CFP: variants seen among roughly 807,000 people sequenced by gnomAD.
CFP encodes the protein properdin.
CFP carries 14 observed loss-of-function variants against 42.1 expected under a neutral mutation model. That is an observed-to-expected ratio of 0.33 (90% confidence interval 0.22 to 0.52). CFP has a LOEUF of 0.52. CFP is among the 20% of genes least tolerant of loss of function. CFP has a pLI of 0.96. For synonymous variants in CFP, 149 were observed against 160.6 expected, an observed-to-expected ratio of 0.93 and a Z score of 0.54; for missense variants, 318 against 400.4, an observed-to-expected ratio of 0.79 and a Z score of 1.76.
Position 47,626,494 on chromosome X carries a change from C to T in CFP, c.966G>A (p.Gly322=). Residue 322 remains glycine (G), a synonymous_variant, in exon 7 of 9, where the codon GGG becomes GGA. Transcript: ENST00000396992. ...CPVDGEWDSW[G]EWSPCIRRNM... The stretch of plus-strand genomic sequence containing the variant: ...TCCGTCGGATACAGGGGCTCCACTC[C>T]CCCCACGAGTCCCACTCCCCATCCA... The T allele has an allele frequency of 8.3e-7, 1 of 1,211,719 alleles. No individual in the cohort carries two copies. The highest frequency in any genetic ancestry group is 1.1e-6 in the Non-Finnish European group (1 of 895,409).
chrX:47,629,980 C>A, upstream of CFP: 1 of 597,051 alleles, frequency 1.7e-6, no homozygotes, highest in South Asian at 2.6e-5. Context: ...TGACCCCACC[C>A]TGTCCCCTCT....
chrX:47,627,581 C>A lies in CFP; in HGVS notation c.464G>T (p.Gly155Val). The change falls in exon 4 of 9, where the codon GGG becomes GTG. Residue 155 changes from glycine (G) to valine (V), a missense_variant. Gly to Val is a moderately radical substitution (Grantham distance 109, BLOSUM62 -3). Transcript: ENST00000396992. ...ACAGGCTCGCCTGCGGGTCCGGGTC[C>A]CTTTGGAGCAGGTGACAGAGCAAGG... ...WEPCSVTCSK[G>V]TRTRRRACNH... 8 of 1,205,232 alleles carry A rather than the reference C, an allele frequency of 6.6e-6. No individual in the cohort carries two copies. Among genetic ancestry groups the A allele is most frequent in the Non-Finnish European group, 9.0e-6 (8 of 892,297 alleles).
In CFP at chrX:47,629,521, A is replaced by G; in HGVS notation, c.227+3T>C. On this transcript the variant is annotated splice_donor_region_variant and intron_variant, in intron 2 of 8. Transcript: ENST00000396992. ...CCATCCCCCACCCCAGGCTCCCCCT[A>G]ACCTGCAAGGCTGACAGAGCCCACC... The G allele has an allele frequency of 1.0e-6, 1 of 981,741 alleles. No individual in the cohort carries two copies. Among genetic ancestry groups the G allele is most frequent in the South Asian group, 2.1e-5 (1 of 47,694 alleles). 80.9% of individuals were successfully genotyped at this position (981,741 alleles called of 1,213,427 possible).
At position 47,624,376 on chromosome X, in the gene CFP, G is replaced by T. The variant is rs2147935585; in HGVS notation, c.1309C>A (p.Pro437Thr). The T allele has an allele frequency of 8.3e-7, 1 of 1,209,995 alleles. No individual in the cohort carries two copies. Residue 437 changes from proline to threonine, a missense_variant, in exon 9 of 9, where the codon CCA becomes ACA. Coordinates refer to ENST00000396992, the MANE Select transcript of CFP (RefSeq NM_001145252.3). ...KNVTFWGRPL[P>T]RCEELQGQKL... ...TGCCCTTGTAGCTCCTCACACCGTGGCAGCGGTCTCCCCCAGAAGGTCACG... is the reference window on the plus strand; with the variant it reads ...TGCCCTTGTAGCTCCTCACACCGTGTCAGCGGTCTCCCCCAGAAGGTCACG...
chrX:47,626,023 A>AC, intron 8 of CFP, 35 bp downstream of exon 8: 1 of 1,082,866 alleles, frequency 9.2e-7, no homozygotes, highest in Non-Finnish European at 1.3e-6. Flanking sequence ...TAATATAATG[A>AC]CCCCCTCCCA....
Position 47,627,125 on chromosome X carries a change from C to G in CFP, c.766+16G>C, listed in dbSNP as rs761068523. Reference sequence around the variant, plus strand: ...AGAGCCCCACCAGCAACATCAGCAGCCTCATCCTGGTGTACCTGGGCAGGG... The same window carrying G: ...AGAGCCCCACCAGCAACATCAGCAGGCTCATCCTGGTGTACCTGGGCAGGG... On this transcript the variant is annotated intron_variant, in intron 5 of 8. Transcript: ENST00000396992. 1 of 1,210,314 alleles carries G rather than the reference C, an allele frequency of 8.3e-7. No homozygotes were observed. Among genetic ancestry groups the G allele is most frequent in the East Asian group, 3.0e-5 (1 of 33,832 alleles).
Position 47,624,412 on chromosome X carries a change from C to T in CFP, c.1273G>A (p.Gly425Ser), listed in dbSNP as rs1425436993. ...CCCCAGAAGGTCACGTTCTTCTCGC[C>T]CTGACCTTCGACCATGGAAACGGTG... ...PPTVSMVEGQ[G>S]EKNVTFWGRP... The change falls in exon 9 of 9, where the codon GGC (glycine) becomes AGC (serine). Residue 425 changes from glycine (G) to serine (S), a missense_variant. Transcript: ENST00000396992. 3 of 1,208,158 alleles carry T rather than the reference C, an allele frequency of 2.5e-6. No homozygotes were observed. Among genetic ancestry groups the T allele is most frequent in the African/African-American group, 1.8e-5 (1 of 56,606 alleles).
At position 47,623,777 on chromosome X, in the gene CFP, T is replaced by A. The variant is rs188064497; in HGVS notation, c.*498A>T. ...TCGGCCACGCCTCTGCCGTTCATCCTCGACTGACGCGGAGTCGGAGTCGGC... is the reference window on the plus strand; with the variant it reads ...TCGGCCACGCCTCTGCCGTTCATCCACGACTGACGCGGAGTCGGAGTCGGC... On this transcript the variant is annotated 3_prime_UTR_variant, in exon 9 of 9. Transcript: ENST00000396992. 4.2e-4 allele frequency: 53 copies of A among 126,983 alleles called. No homozygotes were observed. In the East Asian group the frequency reaches 0.012, roughly 29 times the overall value. The allele number at this position is 126,983 out of a possible 1,213,427, so 10.5% of individuals were successfully genotyped here.
chrX:47,629,188 CAG>C (rs2057980879), intron 2 of CFP: 1 of 265,960 alleles, frequency 3.8e-6, no homozygotes, highest in Non-Finnish European at 6.7e-6. Context: ...GGTTCTCAAT[CAG>C]GGGTGATTTT....
intron 3 of CFP, 104 bp from the exon 4 acceptor site, chrX:47,627,745 T>C: frequency 1.1e-6 from 1 of 877,968 alleles, no homozygotes. Context: ...TTATATCCTC[T>C]GCCACCATTC....
chrX:47,627,057 C>T, intron 5 of CFP, 84 bp downstream of exon 5: 4 of 1,154,265 alleles, frequency 3.5e-6, no homozygotes, highest in Non-Finnish European at 4.7e-6. Flanking sequence ...GGTCACATGG[C>T]CTAGGAACTC....
chrX:47,623,512 T>C lies in CFP; in HGVS notation c.*763A>G, dbSNP rs2057955915. ...CTCAGCTTTAGCATACAGCAGGCGC[T>C]AATAAGTGTTGAATGAATGAACAAA... On this transcript the variant is annotated 3_prime_UTR_variant, in exon 9 of 9. Transcript: ENST00000396992. 1 of 112,523 alleles carries C rather than the reference T, an allele frequency of 8.9e-6. No individual in the cohort carries two copies. Among genetic ancestry groups the C allele is most frequent in the Non-Finnish European group, 1.9e-5 (1 of 53,419 alleles). The allele number at this position is 112,523 out of a possible 1,213,427, so 9.3% of individuals were successfully genotyped here. A position where few individuals can be genotyped will look rare whatever the true frequency, so the allele number is the denominator to read the frequency against.
At position 47,626,402 on chromosome X, in the gene CFP, C is replaced by T. The variant is rs376963593; in HGVS notation, c.1058G>A (p.Arg353His). 2 of 1,209,623 alleles carry T rather than the reference C, an allele frequency of 1.7e-6. No individual in the cohort carries two copies. Among genetic ancestry groups the T allele is most frequent in the Non-Finnish European group, 2.2e-6 (2 of 894,986 alleles). ...GGCACATCGATGTCCGTCAAACTTG[C>T]GGCCCCTGCAGGTCCTCCCGCGTGA... ...QQSRGRTCRG[R>H]KFDGHRCAGQ... is the part of the protein sequence containing the mutation. Residue 353 changes from arginine (R) to histidine (H), a missense_variant, in exon 7 of 9, where the codon CGC becomes CAC. By Grantham distance (29) the Arg-to-His change is conservative (BLOSUM62 0). Transcript: ENST00000396992.
In CFP at chrX:47,624,215, G is replaced by T. The variant is rs8177081; in HGVS notation, c.*60C>A. The T allele has an allele frequency of 6.6e-4, 760 of 1,152,296 alleles. 3 individuals carry two copies. The African/African-American group carries it at 0.012, about 17-fold the overall frequency. 95.0% of individuals were successfully genotyped at this position (1,152,296 alleles called of 1,213,427 possible). A position where few individuals can be genotyped will look rare whatever the true frequency, so the allele number is the denominator to read the frequency against. ...CCTTTAAGGAATCGTAGACGAACTCGAAGAGGCTAGTTTATTGAGGTTTGG... is the reference window on the plus strand; with the variant it reads ...CCTTTAAGGAATCGTAGACGAACTCTAAGAGGCTAGTTTATTGAGGTTTGG... On this transcript the variant is annotated 3_prime_UTR_variant, in exon 9 of 9. Transcript: ENST00000396992.
intron 2 of CFP, chrX:47,629,004 G>C (rs923113488): frequency 5.5e-5 from 8 of 146,144 alleles, no homozygotes; most frequent in Non-Finnish European, 1.1e-4. Flanking sequence ...ATAATTAGGG[G>C]CCTAGAGCTG....
At chrX:47,625,755 TGGAGG>T in intron 8 of CFP, 1 of 355,665 alleles carries the variant, frequency 2.8e-6, no homozygotes, top group Non-Finnish European at 5.0e-6. Flanking sequence ...AGGCAGTGAA[TGGAGG>T]CCTGAGTGAT....
At chrX:47,629,945 G>C (rs868114699), upstream of CFP, 13 of 875,541 alleles carry the variant, frequency 1.5e-5, no homozygotes, top group African/African-American at 1.4e-4. Flanking sequence ...CTAGAGGCAG[G>C]AGGAACTGGG....
chrX:47,629,736 C>G, intron 1 of CFP, 33 bp downstream of exon 1: 1 of 1,166,361 alleles, frequency 8.6e-7, no homozygotes, highest in Non-Finnish European at 1.1e-6. Flanking sequence ...GGCCTGGACA[C>G]CCCTGGGGCC....
Position 47,623,652 on chromosome X carries a change from C to G in CFP, c.*623G>C, listed in dbSNP as rs2057956284. On this transcript the variant is annotated 3_prime_UTR_variant, in exon 9 of 9. Coordinates refer to ENST00000396992, the MANE Select transcript of CFP (RefSeq NM_001145252.3). ...CAACACAGGCACTTCCTCGGCCCGC[C>G]CCCCGCCTCGCCGAGCTATTTGTCG... The G allele has an allele frequency of 8.6e-6, 1 of 116,294 alleles. No homozygotes were observed. Among genetic ancestry groups the G allele is most frequent in the Non-Finnish European group, 1.8e-5 (1 of 55,323 alleles). The allele number at this position is 116,294 out of a possible 1,213,427, so 9.6% of individuals were successfully genotyped here. A position where few individuals can be genotyped will look rare whatever the true frequency, so the allele number is the denominator to read the frequency against.
Sources: allele counts gnomAD v4.1 joint callset, GRCh38; gene constraint gnomAD v4.1.1; transcripts MANE v1.5; gene names NCBI Gene and HGNC (gene_info 2026-07-23, HGNC 2026-07-21).